The following CPQ variants were observed in gnomAD, a reference collection of about 807,000 sequenced individuals.
CPQ encodes the protein carboxypeptidase Q, also known as Ser-Met dipeptidase.
Under a neutral mutation model 45.7 loss-of-function variants are expected in CPQ, and 37 were observed. The observed-to-expected ratio is 0.81, with a 90% confidence interval of 0.62 to 1.07. CPQ has a LOEUF of 1.07. Among genes scored for constraint, CPQ ranks in the 50% least tolerant of loss-of-function variants. The pLI, the probability that CPQ is intolerant of heterozygous loss-of-function variation, is 0.00. For synonymous variants in CPQ, 186 were observed against 205.8 expected, an observed-to-expected ratio of 0.90 and a Z score of 0.82; for missense variants, 537 against 572.9, an observed-to-expected ratio of 0.94 and a Z score of 0.64.
intron 1 of CPQ, among the ~76,000 whole-genome samples, chr8:96,695,481 A>G (rs2130740764): frequency 6.6e-6 from 1 of 152,104 alleles, no homozygotes; most frequent in South Asian, 2.1e-4. Context: ...AGCAAAAGAA[A>G]CTACCATCAG....
intron 1 of CPQ, among the ~76,000 whole-genome samples, chr8:96,689,975 T>C (rs1809284059): frequency 6.6e-6 from 1 of 152,202 alleles, no homozygotes; most frequent in African/African-American, 2.4e-5. Context: ...GTTTGGATTG[T>C]CTCCAATATG....
chr8:96,647,774 A>G lies in CPQ; in HGVS notation c.-35+2372A>G, dbSNP rs1366507785. On this transcript the variant is annotated intron_variant, in intron 1 of 7. Transcript: ENST00000220763. ...AATTATTGAATTCCATTGAGATTCC[A>G]GGAGACTCTGATACTTTGACCTAGG... Among the ~76,000 whole-genome samples the G allele has an allele frequency of 2.6e-5, 4 of 152,260 alleles. No individual in the cohort carries two copies. In the East Asian group the frequency reaches 7.7e-4, roughly 29 times the overall value.
chr8:96,962,969 A>AG (rs1813487181), intron 4 of CPQ, among the ~76,000 whole-genome samples: 1 of 152,214 alleles, frequency 6.6e-6, no homozygotes, highest in East Asian at 1.9e-4. Context: ...ATTCTTCTAT[A>AG]GCACTATACC....
chr8:97,046,493 G>A (rs1472831735), intron 6 of CPQ, among the ~76,000 whole-genome samples: 1 of 152,070 alleles, frequency 6.6e-6, no homozygotes, highest in African/African-American at 2.4e-5. Flanking sequence ...TCAAATTTAG[G>A]GAGCTTAACA....
At chr8:97,049,341 A>G (rs1490085100) in intron 6 of CPQ, among the ~76,000 whole-genome samples, 1 of 152,190 alleles carries the variant, frequency 6.6e-6, no homozygotes, top group Non-Finnish European at 1.5e-5. Flanking sequence ...TGAGAAGGAG[A>G]CCCAAAGGAT....
chr8:96,776,117 G>A (rs1006764070), intron 1 of CPQ, among the ~76,000 whole-genome samples: 2 of 152,132 alleles, frequency 1.3e-5, no homozygotes, highest in African/African-American at 4.8e-5. Flanking sequence ...ATAAATAACT[G>A]GAATGTAAGC....
At chr8:97,043,273 T>C (rs1245944146) in intron 6 of CPQ, among the ~76,000 whole-genome samples, 1 of 151,760 alleles carries the variant, frequency 6.6e-6, no homozygotes, top group Non-Finnish European at 1.5e-5. Flanking sequence ...TCTTTGTTGG[T>C]TTAAAGTCTG....
intron 3 of CPQ, among the ~76,000 whole-genome samples, chr8:96,873,980 A>G (rs1332488824): frequency 1.3e-5 from 2 of 151,810 alleles, no homozygotes; most frequent in African/African-American, 4.8e-5. Flanking sequence ...CAGGTGGGAA[A>G]TTTCAAACTT....
chr8:97,072,626 T>C (rs1248664978), intron 7 of CPQ, among the ~76,000 whole-genome samples: 2 of 152,182 alleles, frequency 1.3e-5, no homozygotes, highest in Non-Finnish European at 2.9e-5. Context: ...CTCTCAGTCA[T>C]ACAAGTCTAA....
intron 6 of CPQ, among the ~76,000 whole-genome samples, chr8:97,062,651 G>C (rs763792622): frequency 6.6e-6 from 1 of 151,944 alleles, no homozygotes; most frequent in Non-Finnish European, 1.5e-5. Flanking sequence ...GTAGGTTCCA[G>C]TGTGTGTTGT....
intron 1 of CPQ, among the ~76,000 whole-genome samples, chr8:96,684,509 C>A (rs928353462): frequency 6.6e-6 from 1 of 152,036 alleles, no homozygotes; most frequent in African/African-American, 2.4e-5. Flanking sequence ...ATCCTTAGAC[C>A]CCCACACAGT....
intron 6 of CPQ, among the ~76,000 whole-genome samples, chr8:97,037,329 G>A (rs917888244): frequency 4.6e-5 from 7 of 152,200 alleles, no homozygotes. Flanking sequence ...CACTGCTAGA[G>A]TAAGGGTATT....
chr8:97,097,129 G>A (rs1320939429), intron 7 of CPQ, among the ~76,000 whole-genome samples: 1 of 152,188 alleles, frequency 6.6e-6, no homozygotes, highest in African/African-American at 2.4e-5. Flanking sequence ...CCCTTCTGCT[G>A]TATGAACTTC....
chr8:96,815,438 A>G (rs1436645064), intron 2 of CPQ, among the ~76,000 whole-genome samples: 1 of 152,038 alleles, frequency 6.6e-6, no homozygotes, highest in Non-Finnish European at 1.5e-5. Flanking sequence ...CAAAATACAT[A>G]CAACTTAACA....
intron 2 of CPQ, among the ~76,000 whole-genome samples, chr8:96,793,531 A>G (rs946535261): frequency 3.3e-5 from 5 of 152,176 alleles, no homozygotes; most frequent in African/African-American, 1.2e-4. Context: ...GAAATTCAAG[A>G]TCAGAGTTGG....
intron 5 of CPQ, among the ~76,000 whole-genome samples, chr8:96,986,412 A>C (rs1040997990): frequency 1.3e-5 from 2 of 152,126 alleles, no homozygotes; most frequent in Admixed American, 1.3e-4. Flanking sequence ...GATTTTCACT[A>C]TGGGTTTTTA....
chr8:96,806,043 G>A (rs1811074248), intron 2 of CPQ, among the ~76,000 whole-genome samples: 1 of 152,120 alleles, frequency 6.6e-6, no homozygotes, highest in African/African-American at 2.4e-5. Context: ...ACTGAAGTCT[G>A]GGGATGGAAC....
At chr8:96,867,775 G>A (rs943634028) in intron 3 of CPQ, among the ~76,000 whole-genome samples, 2 of 152,026 alleles carry the variant, frequency 1.3e-5, no homozygotes, top group African/African-American at 2.4e-5. Flanking sequence ...TTCAAAATAT[G>A]TTTTTAGTGG....
chr8:96,984,884 T>C (rs777594060), intron 5 of CPQ, among the ~76,000 whole-genome samples: 1 of 152,212 alleles, frequency 6.6e-6, no homozygotes, highest in Non-Finnish European at 1.5e-5. Context: ...CTTATTAGAT[T>C]GTCAACATGT....
Sources: gnomAD v4.1 joint callset for allele counts (sites outside exome capture counted in the v4.1 genomes callset) on GRCh38, gnomAD v4.1.1 for gene constraint, MANE v1.5 for transcripts, NCBI Gene and HGNC (gene_info 2026-07-23, HGNC 2026-07-21) for gene names.